LCAT: variants seen among roughly 807,000 people sequenced by gnomAD.
The protein encoded by LCAT is lecithin-cholesterol acyltransferase, also known as phosphatidylcholine-sterol acyltransferase.
A neutral mutation model predicts 41.0 loss-of-function variants in LCAT; 15 were observed. The observed-to-expected ratio is 0.37, with a 90% confidence interval of 0.24 to 0.56. The LOEUF is 0.56. Ranked by LOEUF, LCAT falls within the 20% of genes least tolerant of loss-of-function variation. The pLI is 0.81. For synonymous variants in LCAT, 248 were observed against 245.4 expected (o/e 1.01, Z -0.10); for missense variants, 449 against 595.1 (o/e 0.75, Z 2.55).
chr16:67,939,862 T>C lies in LCAT; in HGVS notation c.*42A>G. On this transcript the variant is annotated 3_prime_UTR_variant, in exon 6 of 6. Coordinates refer to ENST00000264005, the MANE Select transcript of LCAT (RefSeq NM_000229.2). ...GGGACTCTAGTGCCTCCCTTCAACC[T>C]GAAACATAGCCATCAGGGCTTACGG... 6.3e-7 allele frequency: 1 copy of C among 1,592,000 alleles called. No homozygotes were observed. The highest frequency in any genetic ancestry group is 8.6e-7 in the Non-Finnish European group (1 of 1,166,752).
Position 67,942,650 on chromosome 16 carries a change from G to A in LCAT, c.523+21C>T, listed in dbSNP as rs1305928851. ...GGGGCACCTGCCCCACCCCAAGCCG[G>A]TCATCCGCAGAGACACTCACCGGGC... On this transcript the variant is annotated intron_variant, in intron 4 of 5. Transcript: ENST00000264005. The surrounding 1 kb of genome is among the most constrained non-coding windows in gnomAD (Gnocchi z 6.6). 6.2e-7 allele frequency: 1 copy of A among 1,612,816 alleles called. No homozygotes were observed. The highest frequency in any genetic ancestry group is 8.5e-7 in the Non-Finnish European group (1 of 1,179,912).
rs959374036 is a variant in LCAT at position 67,943,932 on chromosome 16, C to T, written c.154+16G>A. On this transcript the variant is annotated intron_variant, in intron 1 of 5. Transcript: ENST00000264005. This position sits in a 1 kb window ranked among gnomAD's most constrained non-coding sequence, Gnocchi z 4.6. ...AGGGTCTGGCGTGGTGCATCAGGGG[C>T]CTGGTGGGGGCTTACCGAGGATGAC... is the stretch of plus-strand genomic sequence containing the variant. 7 of 1,540,222 alleles carry T rather than the reference C, an allele frequency of 4.5e-6. No homozygotes were observed. The highest frequency in any genetic ancestry group is 6.1e-6 in the Non-Finnish European group (7 of 1,140,818).
chr16:67,942,544 C>T lies in LCAT; in HGVS notation c.567G>A (p.Glu189=), dbSNP rs1001452642. The change falls in exon 5 of 6, where the codon GAG becomes GAA. Residue 189 remains glutamate (E), a synonymous_variant. Transcript: ENST00000264005. This position sits in a 1 kb window ranked among gnomAD's most constrained non-coding sequence, Gnocchi z 6.6. ...GCTTCCCATAGGCAGCGTGCATCTC[C>T]TCCACCAGCCCTGCGAGCTTGCGGT... ...EYYRKLAGLV[E]EMHAAYGKPV... 9 of 1,613,506 alleles carry T rather than the reference C, an allele frequency of 5.6e-6. No individual in the cohort carries two copies. Among genetic ancestry groups the T allele is most frequent in the South Asian group, 1.1e-5 (1 of 91,090 alleles).
At position 67,942,032 on chromosome 16, in the gene LCAT, C is replaced by G. The variant is rs17246744; in HGVS notation, c.748+331G>C. 67 of 1,244,268 alleles carry G rather than the reference C, an allele frequency of 5.4e-5. No homozygotes were observed. In the African/African-American group the frequency reaches 9.6e-4, roughly 18 times the overall value. The allele number at this position is 1,244,268 out of a possible 1,614,324, so 77.1% of individuals were successfully genotyped here. The stretch of plus-strand genomic sequence containing the variant: ...ATCCTCAGTGAAGCACATCCCTGGG[C>G]AAAGGCACTCCTGCGAGCAAGTGGA... On this transcript the variant is annotated intron_variant, in intron 5 of 5. Transcript: ENST00000264005. The surrounding 1 kb of genome is among the most constrained non-coding windows in gnomAD (Gnocchi z 6.6).
Position 67,942,576 on chromosome 16 carries a change from C to A in LCAT, c.535G>T (p.Glu179Ter), listed in dbSNP as rs1030638247. ...AGCCCTGCGAGCTTGCGGTAGTACT[C>A]CTCCTGCTGGCCTGCAGCGGGTGGA... ...DWRLEPGQQEEYYRKLAGLVE... is the reference protein window; with the variant it reads ...DWRLEPGQQE The change falls in exon 5 of 6, where the codon GAG (glutamate) becomes TAG (stop). Residue 179 changes from glutamate to a stop codon, truncating the protein, a stop_gained. Coordinates refer to ENST00000264005, the MANE Select transcript of LCAT (RefSeq NM_000229.2). LOFTEE classifies it high-confidence loss of function. The surrounding 1 kb of genome is among the most constrained non-coding windows in gnomAD (Gnocchi z 6.6). 6.8e-6 allele frequency: 11 copies of A among 1,613,268 alleles called. No homozygotes were observed. Among genetic ancestry groups the A allele is most frequent in the Non-Finnish European group, 9.3e-6 (11 of 1,180,000 alleles).
In LCAT at chr16:67,943,618, T is replaced by TG. The variant is rs987951185; in HGVS notation, c.154+329dup. On this transcript the variant is annotated intron_variant, in intron 1 of 5. Transcript: ENST00000264005. This position sits in a 1 kb window ranked among gnomAD's most constrained non-coding sequence, Gnocchi z 4.6. The stretch of plus-strand genomic sequence containing the variant: ...GGCTGGGCATCTTGTCCTTGGTGGG[T>TG]GGGGGCCAAGGAAGGAGTGGTGGGG... The TG allele has an allele frequency of 8.0e-6, 4 of 502,656 alleles. No homozygotes were observed. In the Admixed American group the frequency reaches 1.0e-4, roughly 13 times the overall value. The allele number at this position is 502,656 out of a possible 1,614,324, so 31.1% of individuals were successfully genotyped here.
Position 67,943,048 on chromosome 16 carries a change from G to T in LCAT, c.311+8C>A. On this transcript the variant is annotated splice_region_variant and intron_variant, in intron 2 of 5. Coordinates refer to ENST00000264005, the MANE Select transcript of LCAT (RefSeq NM_000229.2). The surrounding 1 kb of genome is among the most constrained non-coding windows in gnomAD (Gnocchi z 4.6). ...GTGTTGGGGCTAGGGTGGAGCACAT[G>T]GCTGTACCTGGTGTTATCGATCCAG... 1 of 1,613,934 alleles carries T rather than the reference G, an allele frequency of 6.2e-7. No homozygotes were observed. Among genetic ancestry groups the T allele is most frequent in the Non-Finnish European group, 8.5e-7 (1 of 1,179,918 alleles).
intron 5 of LCAT, 113 bp from the exon 6 acceptor site, chr16:67,940,591 C>A: frequency 6.6e-7 from 1 of 1,511,016 alleles, no homozygotes; most frequent in Non-Finnish European, 8.9e-7. Flanking sequence ...CCAATCTAGA[C>A]ACAGACTCTA....
Position 67,942,997 on chromosome 16 carries a change from T to G in LCAT, c.312-21A>C. 1 of 1,613,698 alleles carries G rather than the reference T, an allele frequency of 6.2e-7. No individual in the cohort carries two copies. Among genetic ancestry groups the G allele is most frequent in the Non-Finnish European group, 8.5e-7 (1 of 1,179,884 alleles). ...CAACCCTGCGGGGCGGGGGTGCCAC[T>G]CAGCAGCCAGTAGCCAAGGGGCAGC... On this transcript the variant is annotated intron_variant, in intron 2 of 5. Transcript: ENST00000264005. The surrounding 1 kb of genome is among the most constrained non-coding windows in gnomAD (Gnocchi z 6.6).
At chr16:67,941,947 C>T in intron 5 of LCAT, 1 of 1,178,800 alleles carries the variant, frequency 8.5e-7, no homozygotes, top group Non-Finnish European at 1.1e-6. Flanking sequence ...GCCCTGGTGC[C>T]ACTCCCTAGG....
rs114275966 is a variant in LCAT at position 67,940,539 on chromosome 16, T to G, written c.749-61A>C. The G allele has an allele frequency of 2.0e-3, 3,173 of 1,606,420 alleles. 51 individuals carry two copies. The African/African-American group carries it at 0.038, about 19-fold the overall frequency. ...GCCTGGCTACCCCTGGCCCACAACC[T>G]GCTGAGTGTAGGCTCAGCCAGATGC... On this transcript the variant is annotated intron_variant, in intron 5 of 5. Coordinates refer to ENST00000264005, the MANE Select transcript of LCAT (RefSeq NM_000229.2).
At chr16:67,941,660 T>TGTGG in intron 5 of LCAT, 1 of 987,854 alleles carries the variant, frequency 1.0e-6, no homozygotes, top group Non-Finnish European at 1.2e-6. Flanking sequence ...GACCAGGGTG[T>TGTGG]GTGGGGATGG....
Position 67,942,566 on chromosome 16 carries a change from C to T in LCAT, c.545G>A (p.Arg182His), listed in dbSNP as rs574942398. 8.1e-6 allele frequency: 13 copies of T among 1,613,452 alleles called. No individual in the cohort carries two copies. Among genetic ancestry groups the T allele is most frequent in the South Asian group, 3.3e-5 (3 of 91,090 alleles). Reference protein sequence around the residue: ...LEPGQQEEYYRKLAGLVEEMH... With the variant: ...LEPGQQEEYYHKLAGLVEEMH... ...CTCCTCCACCAGCCCTGCGAGCTTG[C>T]GGTAGTACTCCTCCTGCTGGCCTGC... is the stretch of plus-strand genomic sequence containing the variant. Residue 182 changes from arginine to histidine, a missense_variant, in exon 5 of 6, where the codon CGC becomes CAC. Coordinates refer to ENST00000264005, the MANE Select transcript of LCAT (RefSeq NM_000229.2). This position sits in a 1 kb window ranked among gnomAD's most constrained non-coding sequence, Gnocchi z 6.6.
At position 67,940,116 on chromosome 16, in the gene LCAT, T is replaced by C. The variant is rs2058284347; in HGVS notation, c.1111A>G (p.Thr371Ala). 1.2e-6 allele frequency: 2 copies of C among 1,613,154 alleles called. No individual in the cohort carries two copies. The highest frequency in any genetic ancestry group is 2.7e-5 in the African/African-American group (2 of 74,876). ...VGVLYEDGDD[T>A]VATRSTELCG... is the part of the protein sequence containing the mutation. Reference sequence around the variant, plus strand: ...AGCTCGGTGCTGCGGGTCGCCACCGTGTCATCACCATCCTCATAGAGCACA... The same window carrying C: ...AGCTCGGTGCTGCGGGTCGCCACCGCGTCATCACCATCCTCATAGAGCACA... The change falls in exon 6 of 6, where the codon ACG becomes GCG. Residue 371 changes from threonine (T) to alanine (A), a missense_variant. Coordinates refer to ENST00000264005, the MANE Select transcript of LCAT (RefSeq NM_000229.2).
chr16:67,941,659 G>A (rs1186676612), intron 5 of LCAT: 1 of 990,956 alleles, frequency 1.0e-6, no homozygotes, highest in South Asian at 4.6e-5. Flanking sequence ...GGACCAGGGT[G>A]TGTGGGGATG....
At chr16:67,941,710 G>A (rs2058291818) in intron 5 of LCAT, 1 of 997,004 alleles carries the variant, frequency 1.0e-6, no homozygotes, top group South Asian at 4.4e-5. Context: ...TGGGGGCGGT[G>A]CTGGCTGTCC....
Position 67,943,745 on chromosome 16 carries a change from G to C in LCAT, c.154+203C>G. The C allele has an allele frequency of 1.7e-6, 1 of 597,030 alleles. No individual in the cohort carries two copies. Among genetic ancestry groups the C allele is most frequent in the Non-Finnish European group, 2.9e-6 (1 of 344,636 alleles). The allele number at this position is 597,030 out of a possible 1,614,324, so 37.0% of individuals were successfully genotyped here. ...CCCCCACTCCGCCCCCCCTGGGTTA[G>C]ACAACTGAGAGTCACAGTGTGGTGG... On this transcript the variant is annotated intron_variant, in intron 1 of 5. Transcript: ENST00000264005. This position sits in a 1 kb window ranked among gnomAD's most constrained non-coding sequence, Gnocchi z 4.6.
chr16:67,941,833 TG>T, intron 5 of LCAT: 21 of 1,044,244 alleles, frequency 2.0e-5, no homozygotes, highest in Non-Finnish European at 2.4e-5. Flanking sequence ...TGTTTATTGG[TG>T]GTGTCTGATG....
intron 5 of LCAT, 80 bp from the exon 6 acceptor site, chr16:67,940,558 C>T (rs973473718): frequency 5.1e-6 from 8 of 1,582,218 alleles, no homozygotes; most frequent in Admixed American, 1.8e-5. Flanking sequence ...TAGGCTCAGC[C>T]AGATGCTCAA....
Sources: allele counts gnomAD v4.1 joint callset, GRCh38; gene constraint gnomAD v4.1.1; non-coding constraint Gnocchi (gnomAD v3.1); transcripts MANE v1.5; gene names NCBI Gene and HGNC (gene_info 2026-07-23, HGNC 2026-07-21).